AATF: variants seen among roughly 807,000 people sequenced by gnomAD.
The protein encoded by AATF is protein AATF.
Under a neutral mutation model 63.7 loss-of-function variants are expected in AATF, and 48 were observed. The observed-to-expected ratio is 0.75, with a 90% CI of 0.60 to 0.96. The LOEUF is 0.96. AATF is among the 40% of genes least tolerant of loss of function. The pLI, the probability that AATF is intolerant of heterozygous loss-of-function variation, is 0.00. For missense variants in AATF, 639 were observed against 685.7 expected, an observed-to-expected ratio of 0.93 and a Z score of 0.76; for synonymous variants, 258 against 247.7, an observed-to-expected ratio of 1.04 and a Z score of -0.39.
chr17:37,036,290 G>C (rs60523101), intron 11 of AATF, among the ~76,000 whole-genome samples: 1,883 of 152,206 alleles, frequency 0.012, 39 homozygotes, highest in African/African-American at 0.043. Context: ...TTTTGGTGGG[G>C]TGTCCAGTTG....
In AATF at chr17:36,952,915, G is replaced by C. The variant is rs1318248311; in HGVS notation, c.313G>C (p.Gly105Arg). 3 of 1,614,158 alleles carry C rather than the reference G, an allele frequency of 1.9e-6. No homozygotes were observed. The highest frequency in any genetic ancestry group is 2.5e-6 in the Non-Finnish European group (3 of 1,180,030). ...DEEISDEEGS[G>R]DEDSEGLGLE... is the part of the protein sequence containing the mutation. ...GGAAATATCTGATGAGGAAGGGTCT[G>C]GAGATGAAGATTCAGAGGGACTGGG... The change falls in exon 3 of 12, where the codon GGA becomes CGA. Residue 105 changes from glycine (G) to arginine (R), a missense_variant. Physicochemically the swap from Gly to Arg is moderately radical, Grantham distance 125. Coordinates refer to ENST00000619387, the MANE Select transcript of AATF (RefSeq NM_012138.4).
intron 4 of AATF, among the ~76,000 whole-genome samples, chr17:36,984,740 A>G (rs565294027): frequency 3.3e-5 from 5 of 151,856 alleles, no homozygotes; most frequent in Non-Finnish European, 5.9e-5. Flanking sequence ...GGCTCCAGCA[A>G]TCCTCCCATC....
chr17:37,056,298 C>T, intron 11 of AATF: 1 of 355,088 alleles, frequency 2.8e-6, no homozygotes, highest in South Asian at 4.7e-5. Context: ...CTCCTACATC[C>T]TATTAAAATA....
At chr17:36,996,088 G>A (rs1049640113) in intron 8 of AATF, among the ~76,000 whole-genome samples, 5 of 152,038 alleles carry the variant, frequency 3.3e-5, no homozygotes, top group African/African-American at 9.7e-5. Context: ...AACTTATTAC[G>A]CATAGATATT....
At chr17:36,988,498 A>G in intron 5 of AATF, 21 bp from the exon 6 acceptor site, 1 of 1,611,604 alleles carries the variant, frequency 6.2e-7, no homozygotes, top group Non-Finnish European at 8.5e-7. Flanking sequence ...ACTGGACATA[A>G]TATTCTTACT....
chr17:36,958,170 CT>C (rs56740035), intron 4 of AATF, among the ~76,000 whole-genome samples: 6 of 147,440 alleles, frequency 4.1e-5, no homozygotes, highest in East Asian at 2.0e-4. Flanking sequence ...TCTTTTTTTT[CT>C]TTTTTTTTTG....
chr17:37,037,624 G>C lies in AATF; in HGVS notation c.1619+5939G>C, dbSNP rs79548539. Among the ~76,000 whole-genome samples the C allele has an allele frequency of 2.0e-5, 3 of 152,248 alleles. No individual in the cohort carries two copies. In the South Asian group the frequency reaches 6.2e-4, roughly 32 times the overall value. On this transcript the variant is annotated intron_variant, in intron 11 of 11. Coordinates refer to ENST00000619387, the MANE Select transcript of AATF (RefSeq NM_012138.4). ...GATGTGACCATTAAACATGCTATGC[G>C]TATATCAGAATATCACATGCCCCCC...
In AATF at chr17:36,949,176, G is replaced by T. The variant is rs1201662502; in HGVS notation, c.51G>T (p.Pro17=). 2.5e-6 allele frequency: 4 copies of T among 1,593,132 alleles called. No individual in the cohort carries two copies. The highest frequency in any genetic ancestry group is 3.4e-6 in the Non-Finnish European group (4 of 1,171,624). ...TGCAACTGGAACAGTTGTTGAACCCGCGACCAAGCGAGGCGGACCCTGAAG... is the reference window on the plus strand; with the variant it reads ...TGCAACTGGAACAGTTGTTGAACCCTCGACCAAGCGAGGCGGACCCTGAAG... ...LALQLEQLLN[P]RPSEADPEAD... Residue 17 remains proline, a synonymous_variant, in exon 1 of 12, where the codon CCG becomes CCT. Coordinates refer to ENST00000619387, the MANE Select transcript of AATF (RefSeq NM_012138.4).
intron 10 of AATF, 92 bp from the exon 11 acceptor site, chr17:37,031,522 C>G: frequency 3.9e-6 from 4 of 1,022,352 alleles, no homozygotes; most frequent in South Asian, 1.3e-5. Flanking sequence ...TTCCAGTGAT[C>G]AGTTCTGGAG....
At chr17:37,012,153 A>G (rs1431649269) in intron 8 of AATF, among the ~76,000 whole-genome samples, 1 of 151,884 alleles carries the variant, frequency 6.6e-6, no homozygotes, top group Non-Finnish European at 1.5e-5. Flanking sequence ...CCTGGGTTCA[A>G]GCGATTTCTC....
rs1425690530 is a variant in AATF at position 37,020,914 on chromosome 17, A to G, written c.1467-20A>G. ...ATTTCTGTTAGTGATGATGCATAACATTGCTTGTGAATTTTCCAGGCAGTG... is the reference window on the plus strand; with the variant it reads ...ATTTCTGTTAGTGATGATGCATAACGTTGCTTGTGAATTTTCCAGGCAGTG... On this transcript the variant is annotated intron_variant, in intron 9 of 11. Transcript: ENST00000619387. 1 of 1,603,566 alleles carries G rather than the reference A, an allele frequency of 6.2e-7. No individual in the cohort carries two copies. Among genetic ancestry groups the G allele is most frequent in the Non-Finnish European group, 8.5e-7 (1 of 1,173,444 alleles).
rs532364084 is a variant in AATF at position 37,022,709 on chromosome 17, A to G, written c.1547+1695A>G. ...TAGTTTCTTCATCTGTAAAATGGAT[A>G]TGATAATATATCAGCCTTGAATGGT... On this transcript the variant is annotated intron_variant, in intron 10 of 11. Coordinates refer to ENST00000619387, the MANE Select transcript of AATF (RefSeq NM_012138.4). Among the ~76,000 whole-genome samples, 18 of 152,310 alleles carry G rather than the reference A, an allele frequency of 1.2e-4. No individual in the cohort carries two copies. The South Asian group carries it at 1.7e-3, about 14-fold the overall frequency.
At chr17:37,052,269 T>A (rs752196903) in intron 11 of AATF, 2 of 152,168 alleles carry the variant, frequency 1.3e-5, no homozygotes, top group Non-Finnish European at 2.9e-5. Context: ...GAGAATCTGA[T>A]GGAACAAGGT....
At chr17:36,993,875 G>T (rs1162136056) in intron 8 of AATF, among the ~76,000 whole-genome samples, 1 of 152,144 alleles carries the variant, frequency 6.6e-6, no homozygotes, top group Non-Finnish European at 1.5e-5. Context: ...AGAATGATGT[G>T]TGGGCTCAGA....
At chr17:36,958,833 A>G (rs2070923184) in intron 4 of AATF, among the ~76,000 whole-genome samples, 1 of 152,196 alleles carries the variant, frequency 6.6e-6, no homozygotes, top group Non-Finnish European at 1.5e-5. Flanking sequence ...ATGTAAAAAC[A>G]TTAACAGTAA....
chr17:37,015,877 T>C (rs146956410), intron 8 of AATF, among the ~76,000 whole-genome samples: 49 of 152,304 alleles, frequency 3.2e-4, no homozygotes, highest in African/African-American at 1.1e-3. Context: ...CCTGGTATCC[T>C]CTATTCTGGA....
intron 11 of AATF, chr17:37,056,206 C>T (rs112661987): frequency 6.0e-6 from 1 of 167,992 alleles, no homozygotes; most frequent in Non-Finnish European, 1.3e-5. Flanking sequence ...CAAGTACTGC[C>T]AAGTCCAAGA....
At chr17:37,009,244 G>C (rs2071365406) in intron 8 of AATF, among the ~76,000 whole-genome samples, 1 of 151,492 alleles carries the variant, frequency 6.6e-6, no homozygotes, top group Non-Finnish European at 1.5e-5. Flanking sequence ...TGATTCTTCT[G>C]CCTCAGGCTC....
chr17:37,002,468 C>A (rs2071306799), intron 8 of AATF, among the ~76,000 whole-genome samples: 1 of 151,470 alleles, frequency 6.6e-6, no homozygotes, highest in Admixed American at 6.6e-5. Context: ...GAGATTGAGA[C>A]CATCCTGGCT....
Sources: gnomAD v4.1 joint callset for allele counts (sites outside exome capture counted in the v4.1 genomes callset) on GRCh38, gnomAD v4.1.1 for gene constraint, MANE v1.5 for transcripts, NCBI Gene and HGNC (gene_info 2026-07-23, HGNC 2026-07-21) for gene names.